The following POMGNT2 variants were observed in gnomAD, a reference collection of about 807,000 sequenced individuals.
POMGNT2 encodes the protein protein O-linked mannose N-acetylglucosaminyltransferase 2 (beta 1,4-).
In POMGNT2, 32 loss-of-function variants were observed where a neutral mutation model predicts 37.8. The observed-to-expected ratio is 0.85, with a 90% CI of 0.64 to 1.14. POMGNT2 has a LOEUF of 1.14. Ranked by LOEUF, POMGNT2 falls within the 50% of genes most tolerant of loss-of-function variation. The pLI is 0.00. For synonymous variants in POMGNT2, 340 were observed against 336.8 expected, an observed-to-expected ratio of 1.01 and a Z score of -0.10; for missense variants, 705 against 780.6, an observed-to-expected ratio of 0.90 and a Z score of 1.15.
At position 43,098,759 on chromosome 3, in the gene POMGNT2, A is replaced by G. The variant is rs1197556683; in HGVS notation, c.-106+7077T>C. 1.3e-5 allele frequency among the ~76,000 whole-genome samples: 2 copies of G among 152,222 alleles called. No individual in the cohort carries two copies. The highest frequency in any genetic ancestry group is 2.9e-5 in the Non-Finnish European group (2 of 68,046). On this transcript the variant is annotated intron_variant, in intron 1 of 1. Coordinates refer to ENST00000344697, the MANE Select transcript of POMGNT2 (RefSeq NM_032806.6). The surrounding 1 kb of genome is among the most constrained non-coding windows in gnomAD (Gnocchi z 4.3). Reference sequence around the variant, plus strand: ...TCAAAGCAGGAAAAACTCCAACAGAATTCAAGTCTGTACTACTTTGGTGAG... The same window carrying G: ...TCAAAGCAGGAAAAACTCCAACAGAGTTCAAGTCTGTACTACTTTGGTGAG...
chr3:43,080,434 C>T lies in POMGNT2; in HGVS notation c.998G>A (p.Arg333Gln), dbSNP rs772311128. 43 of 1,614,052 alleles carry T rather than the reference C, an allele frequency of 2.7e-5. No homozygotes were observed. Among genetic ancestry groups the T allele is most frequent in the East Asian group, 4.5e-5 (2 of 44,892 alleles). The change falls in exon 2 of 2, where the codon CGG becomes CAG. Residue 333 changes from arginine (R) to glutamine (Q), a missense_variant. Coordinates refer to ENST00000344697, the MANE Select transcript of POMGNT2 (RefSeq NM_032806.6). ...LEDHTFADVV[R>Q]LVSNASMLVS... ...CAGCATGGAGGCATTGCTGACCAGC[C>T]GCACGACATCAGCAAAGGTGTGGTC...
chr3:43,089,641 C>T (rs943752493), intron 1 of POMGNT2, among the ~76,000 whole-genome samples: 4 of 152,058 alleles, frequency 2.6e-5, no homozygotes, highest in Non-Finnish European at 5.9e-5. Flanking sequence ...GAATGGGGGG[C>T]CTAGAAGGGA....
chr3:43,087,561 C>G (rs940086), intron 1 of POMGNT2: 2,616 of 152,536 alleles, frequency 0.017, 71 homozygotes, highest in African/African-American at 0.059. Context: ...CTTCGCCATC[C>G]ACCTGCCTAG....
intron 1 of POMGNT2, among the ~76,000 whole-genome samples, chr3:43,099,351 GT>G (rs2090001237): frequency 1.3e-5 from 2 of 152,194 alleles, no homozygotes; most frequent in South Asian, 4.1e-4. Context: ...TTTTGAGCAA[GT>G]TTTTGGAGGT....
At chr3:43,103,462 T>G (rs2090034289) in intron 1 of POMGNT2, among the ~76,000 whole-genome samples, 1 of 152,196 alleles carries the variant, frequency 6.6e-6, no homozygotes, top group African/African-American at 2.4e-5. Context: ...CCAGCCCTGC[T>G]GTCCAGTGAT....
chr3:43,098,154 C>G lies in POMGNT2; in HGVS notation c.-106+7682G>C, dbSNP rs1436589572. 6.6e-6 allele frequency among the ~76,000 whole-genome samples: 1 copy of G among 152,228 alleles called. No individual in the cohort carries two copies. The highest frequency in any genetic ancestry group is 1.5e-5 in the Non-Finnish European group (1 of 68,048). On this transcript the variant is annotated intron_variant, in intron 1 of 1. Transcript: ENST00000344697. The surrounding 1 kb of genome is among the most constrained non-coding windows in gnomAD (Gnocchi z 4.3). ...AGCAATTTGACTTTTAAGGATTGTT[C>G]ACACTTCCAATTGAAAATTATAGAA...
chr3:43,089,341 G>A (rs1193817468), intron 1 of POMGNT2, among the ~76,000 whole-genome samples: 5 of 152,284 alleles, frequency 3.3e-5, no homozygotes, highest in African/African-American at 1.2e-4. Flanking sequence ...ACAAAGGCAG[G>A]GGCTAGGAGG....
At chr3:43,091,909 C>A (rs1447485148) in intron 1 of POMGNT2, among the ~76,000 whole-genome samples, 2 of 152,242 alleles carry the variant, frequency 1.3e-5, no homozygotes, top group East Asian at 1.9e-4. Context: ...AATCTTAAAC[C>A]CAATTTAAGG....
rs188127815 is a variant in POMGNT2, at chr3:43,099,580, G to A, written c.-106+6256C>T. Reference sequence around the variant, plus strand: ...CTGCATACCCAGACAGGTAAAGGTCGGGGAGCCCAGGCTGTGGGGCAGGCA... The same window carrying A: ...CTGCATACCCAGACAGGTAAAGGTCAGGGAGCCCAGGCTGTGGGGCAGGCA... On this transcript the variant is annotated intron_variant, in intron 1 of 1. Coordinates refer to ENST00000344697, the MANE Select transcript of POMGNT2 (RefSeq NM_032806.6). Among the ~76,000 whole-genome samples, 603 of 152,278 alleles carry A rather than the reference G, an allele frequency of 4.0e-3. 2 individuals are homozygous for A. The highest frequency in any genetic ancestry group is 0.01 in the Middle Eastern group (3 of 294).
chr3:43,085,867 T>C (rs1470705226), intron 1 of POMGNT2, among the ~76,000 whole-genome samples: 1 of 152,148 alleles, frequency 6.6e-6, no homozygotes, highest in Admixed American at 6.5e-5. Context: ...CTGGCATTCC[T>C]GGATTGTGGG....
chr3:43,103,379 A>G (rs2090033483), intron 1 of POMGNT2, among the ~76,000 whole-genome samples: 1 of 152,030 alleles, frequency 6.6e-6, no homozygotes, highest in African/African-American at 2.4e-5. Flanking sequence ...AGCTAAACGA[A>G]GGCATTTCTT....
Position 43,079,902 on chromosome 3 carries a change from C to T in POMGNT2, c.1530G>A (p.Trp510Ter). The change falls in exon 2 of 2, where the codon TGG becomes TGA. Residue 510 changes from tryptophan (W) to a stop codon, truncating the protein, a stop_gained. Transcript: ENST00000344697. LOFTEE classifies it high-confidence loss of function. ...ARLTVSWQIPWNLKYLKVREV... is the reference protein window; with the variant it reads ...ARLTVSWQIP ...CCCTCACCTTCAGGTATTTAAGGTTCCATGGGATCTGCCAGGAGACAGTGA... is the reference window on the plus strand; with the variant it reads ...CCCTCACCTTCAGGTATTTAAGGTTTCATGGGATCTGCCAGGAGACAGTGA... The T allele has an allele frequency of 6.2e-7, 1 of 1,614,148 alleles. No homozygotes were observed. The highest frequency in any genetic ancestry group is 8.5e-7 in the Non-Finnish European group (1 of 1,180,006).
intron 1 of POMGNT2, among the ~76,000 whole-genome samples, chr3:43,096,677 G>T (rs1211654510): frequency 2.0e-5 from 3 of 152,136 alleles, no homozygotes; most frequent in Non-Finnish European, 4.4e-5. Flanking sequence ...TCTATATTGG[G>T]CACCAAATTT....
In POMGNT2 at chr3:43,080,669, C is replaced by G. The variant is rs2089843045; in HGVS notation, c.763G>C (p.Ala255Pro). The change falls in exon 2 of 2, where the codon GCC becomes CCC. Residue 255 changes from alanine (A) to proline (P), a missense_variant. Ala to Pro is a conservative substitution (Grantham distance 27). Coordinates refer to ENST00000344697, the MANE Select transcript of POMGNT2 (RefSeq NM_032806.6). ...TCATTGCCTGAGACGAGGATGTTGG[C>G]CTTCGGGCCCTGGGGCTGCACAAAG... ...YGFVQPQGPK[A>P]NILVSGNEIR... is the part of the protein sequence containing the mutation. The G allele has an allele frequency of 6.2e-7, 1 of 1,614,210 alleles. No homozygotes were observed. Among genetic ancestry groups the G allele is most frequent in the African/African-American group, 1.3e-5 (1 of 75,040 alleles).
At chr3:43,096,634 T>C (rs2089981684) in intron 1 of POMGNT2, among the ~76,000 whole-genome samples, 1 of 152,128 alleles carries the variant, frequency 6.6e-6, no homozygotes, top group African/African-American at 2.4e-5. Flanking sequence ...CCAGGGTACT[T>C]CAACACCACC....
At chr3:43,104,496 T>C (rs1410458561) in intron 1 of POMGNT2, among the ~76,000 whole-genome samples, 1 of 152,212 alleles carries the variant, frequency 6.6e-6, no homozygotes, top group Non-Finnish European at 1.5e-5. Context: ...CCCTCCTTTC[T>C]GCTGAAGATC....
chr3:43,094,972 G>A (rs1294751687), intron 1 of POMGNT2, among the ~76,000 whole-genome samples: 1 of 152,234 alleles, frequency 6.6e-6, no homozygotes, highest in African/African-American at 2.4e-5. Context: ...AGATCTGGCT[G>A]GCACCCCAGC....
At chr3:43,094,407 T>C (rs1442167160) in intron 1 of POMGNT2, among the ~76,000 whole-genome samples, 1 of 152,224 alleles carries the variant, frequency 6.6e-6, no homozygotes, top group Non-Finnish European at 1.5e-5. Flanking sequence ...TGATTTCCCC[T>C]TTCTCCAGAC....
At chr3:43,083,712 AGACC>A (rs1481227862) in intron 1 of POMGNT2, among the ~76,000 whole-genome samples, 1 of 152,224 alleles carries the variant, frequency 6.6e-6, no homozygotes, top group Non-Finnish European at 1.5e-5. Context: ...ACATATAATG[AGACC>A]CACATCAGAC....
Sources: allele counts gnomAD v4.1 joint callset (sites outside exome capture counted in the v4.1 genomes callset), GRCh38; gene constraint gnomAD v4.1.1; non-coding constraint Gnocchi (gnomAD v3.1); transcripts MANE v1.5; gene names NCBI Gene and HGNC (gene_info 2026-07-23, HGNC 2026-07-21).